Variants in SAC3D1 observed in about 807,000 individuals in gnomAD.
SAC3D1 encodes SAC3 domain containing 1.
Under a neutral mutation model 12.7 loss-of-function variants are expected in SAC3D1, and 10 were observed. That is an observed-to-expected ratio of 0.79 (90% confidence interval 0.49 to 1.34). SAC3D1 has a LOEUF of 1.34. Among genes scored for constraint, SAC3D1 ranks in the 40% most tolerant of loss-of-function variants. The pLI is 0.00. For synonymous variants in SAC3D1, 241 were observed against 250.8 expected, an observed-to-expected ratio of 0.96 and a Z score of 0.37; for missense variants, 482 against 531.1, an observed-to-expected ratio of 0.91 and a Z score of 0.91.
chr11:65,041,730 G>A lies in SAC3D1; in HGVS notation c.438G>A (p.Arg146=). The change falls in exon 1 of 2, where the codon CGG becomes CGA. Residue 146 remains arginine, a synonymous_variant. Transcript: ENST00000652489. The part of the protein sequence containing the change: ...VVARLGPDAA[R]GPADPVLLQA... Reference sequence around the variant, plus strand: ...CGCGGCTCGGGCCCGACGCGGCGCGGGGACCCGCGGACCCGGTGCTGCTGC... The same window carrying A: ...CGCGGCTCGGGCCCGACGCGGCGCGAGGACCCGCGGACCCGGTGCTGCTGC... The A allele has an allele frequency of 7.7e-6, 10 of 1,307,136 alleles. No homozygotes were observed. Among genetic ancestry groups the A allele is most frequent in the Non-Finnish European group, 9.7e-6 (10 of 1,035,360 alleles). The allele number at this position is 1,307,136 out of a possible 1,614,324, so 81.0% of individuals were successfully genotyped here.
Position 65,044,622 on chromosome 11 carries a change from G to A in SAC3D1, c.972G>A (p.Thr324=), listed in dbSNP as rs182840449. The A allele has an allele frequency of 9.7e-5, 157 of 1,613,996 alleles. No homozygotes were observed. In the East Asian group the frequency reaches 1.8e-3, roughly 18 times the overall value. Residue 324 remains threonine (T), a synonymous_variant, in exon 2 of 2, where the codon ACG becomes ACA. Transcript: ENST00000652489. The surrounding 1 kb of genome is among the most constrained non-coding windows in gnomAD (Gnocchi z 4.0). ...AGGAAGGGCTACCGCCTGCCAGTAC[G>A]TGCAAGGTGTTAGTGGAGAGCAAAC... ...YVEEGLPPAS[T]CKVLVESKLR...
intron 1 of SAC3D1, among the ~76,000 whole-genome samples, chr11:65,042,256 C>G (rs975576495): frequency 7.2e-5 from 11 of 152,018 alleles, no homozygotes; most frequent in African/African-American, 2.7e-4. Context: ...CGCCACCACA[C>G]CCAGCTAATT....
Position 65,041,879 on chromosome 11 carries a change from C to T in SAC3D1, c.574+13C>T. 1 of 1,425,716 alleles carries T rather than the reference C, an allele frequency of 7.0e-7. No homozygotes were observed. Among genetic ancestry groups the T allele is most frequent in the Non-Finnish European group, 9.1e-7 (1 of 1,097,472 alleles). 88.3% of individuals were successfully genotyped at this position (1,425,716 alleles called of 1,614,324 possible). ...CTCTATAACCTGGGTGAGTCGGGAT[C>T]CTGGCGGCTGGGCAGAGCGTGGGGA... On this transcript the variant is annotated intron_variant, in intron 1 of 1. Coordinates refer to ENST00000652489, the MANE Select transcript of SAC3D1 (RefSeq NM_013299.4).
intron 1 of SAC3D1, among the ~76,000 whole-genome samples, chr11:65,043,836 C>T (rs950178255): frequency 6.6e-6 from 1 of 151,970 alleles, no homozygotes; most frequent in African/African-American, 2.4e-5. Context: ...AGTTGGCTTC[C>T]AAAACTGTGG....
upstream of SAC3D1, chr11:65,041,167 G>T (rs1473857962): frequency 1.1e-6 from 1 of 930,140 alleles, no homozygotes; most frequent in Admixed American, 3.1e-5. Flanking sequence ...GCGGGAAGGC[G>T]GGCCCAGACA....
chr11:65,044,243 A>G lies in SAC3D1; in HGVS notation c.593A>G (p.His198Arg). The G allele has an allele frequency of 6.2e-7, 1 of 1,612,584 alleles. No homozygotes were observed. The highest frequency in any genetic ancestry group is 8.5e-7 in the Non-Finnish European group (1 of 1,179,808). ...LYNLGSVEALHEVLQLPAALR... is the reference protein window; with the variant it reads ...LYNLGSVEALREVLQLPAALR... ...CTCACAGGCTCGGTGGAAGCCCTGC[A>G]TGAGGTTCTACAGCTGCCTGCTGCC... The change falls in exon 2 of 2, where the codon CAT (histidine) becomes CGT (arginine). Residue 198 changes from histidine to arginine, a missense_variant. Around this residue, in one of 3 missense-constraint regions of SAC3D1, gnomAD observed 225 missense variants for 241.1 expected, o/e 0.93. Coordinates refer to ENST00000652489, the MANE Select transcript of SAC3D1 (RefSeq NM_013299.4). The surrounding 1 kb of genome is among the most constrained non-coding windows in gnomAD (Gnocchi z 4.0).
rs887166258 is a variant in SAC3D1 at position 65,044,451 on chromosome 11, C to T, written c.801C>T (p.Thr267=). Residue 267 remains threonine (T), a synonymous_variant, in exon 2 of 2, where the codon ACC becomes ACT. Transcript: ENST00000652489. This position sits in a 1 kb window ranked among gnomAD's most constrained non-coding sequence, Gnocchi z 4.0. ...ALARFARAFS[T]PKGQTLPLGF... ...CCCGCTTCGCTCGTGCCTTTAGCAC[C>T]CCCAAGGGCCAGACCTTGCCTCTGG... The T allele has an allele frequency of 1.9e-6, 3 of 1,613,844 alleles. No individual in the cohort carries two copies. The highest frequency in any genetic ancestry group is 2.7e-5 in the African/African-American group (2 of 74,958).
rs758210249 is a variant in SAC3D1 at position 65,044,736 on chromosome 11, C to T, written c.*9C>T. 32 of 1,608,224 alleles carry T rather than the reference C, an allele frequency of 2.0e-5. No homozygotes were observed. The highest frequency in any genetic ancestry group is 3.3e-5 in the Admixed American group (2 of 59,922). ...CTGGGTCCCCAGCCTGAGGAGGGAG[C>T]GTGAGCCTCCCAGAGCCCCAGGACT... On this transcript the variant is annotated 3_prime_UTR_variant, in exon 2 of 2. Coordinates refer to ENST00000652489, the MANE Select transcript of SAC3D1 (RefSeq NM_013299.4). This position sits in a 1 kb window ranked among gnomAD's most constrained non-coding sequence, Gnocchi z 4.0.
intron 1 of SAC3D1, among the ~76,000 whole-genome samples, chr11:65,042,200 C>G (rs866875672): frequency 6.6e-6 from 1 of 151,582 alleles, no homozygotes; most frequent in African/African-American, 2.4e-5. Context: ...CTGGGTCAAG[C>G]GATTCTTCTG....
In SAC3D1 at chr11:65,041,387, T is replaced by G. The variant is rs1210117878; in HGVS notation, c.95T>G (p.Leu32Trp). The G allele has an allele frequency of 9.9e-6, 15 of 1,508,336 alleles. No homozygotes were observed. The highest frequency in any genetic ancestry group is 1.4e-5 in the African/African-American group (1 of 69,308). The allele number at this position is 1,508,336 out of a possible 1,614,324, so 93.4% of individuals were successfully genotyped here. ...GAAAGGGAGCACCGCCTGCACCGCT[T>G]GGAGGTGGTGCCGGGTTGCCGCCAG... ...QREREHRLHRLEVVPGCRQDP... is the reference protein window; with the variant it reads ...QREREHRLHRWEVVPGCRQDP... Residue 32 changes from leucine to tryptophan, a missense_variant, in exon 1 of 2, where the codon TTG becomes TGG. Transcript: ENST00000652489.
In SAC3D1 at chr11:65,041,250, TC is replaced by T. The variant is rs1169432204; in HGVS notation, c.-39del. 2.0e-6 allele frequency: 3 copies of T among 1,477,568 alleles called. No individual in the cohort carries two copies. The highest frequency in any genetic ancestry group is 1.3e-5 in the South Asian group (1 of 78,592). The allele number at this position is 1,477,568 out of a possible 1,614,324, so 91.5% of individuals were successfully genotyped here. ...CGCGTGCCTTCCCGCAGCACTGCCG[TC>T]CCCGGGATGCTGAGCGCCCACCGTC... On this transcript the variant is annotated 5_prime_UTR_variant, in exon 1 of 2. Transcript: ENST00000652489.
intron 1 of SAC3D1, 110 bp downstream of exon 1, chr11:65,041,976 C>T (rs182121837): frequency 1.6e-6 from 2 of 1,241,296 alleles, no homozygotes; most frequent in Admixed American, 4.3e-5. Context: ...TAGCCCCCTC[C>T]CAGGACAGCA....
In SAC3D1 at chr11:65,041,320, A is replaced by G. The variant is rs1018544813; in HGVS notation, c.28A>G (p.Thr10Ala). MPGCELPVG[T>A]CPDMCPAAER... ...GCCCGGCTGCGAGCTGCCCGTGGGCACCTGCCCGGACATGTGCCCGGCCGC... is the reference window on the plus strand; with the variant it reads ...GCCCGGCTGCGAGCTGCCCGTGGGCGCCTGCCCGGACATGTGCCCGGCCGC... Residue 10 changes from threonine (T) to alanine (A), a missense_variant, in exon 1 of 2, where the codon ACC (threonine) becomes GCC (alanine). Transcript: ENST00000652489. 4 of 1,508,676 alleles carry G rather than the reference A, an allele frequency of 2.7e-6. No individual in the cohort carries two copies. The highest frequency in any genetic ancestry group is 2.9e-5 in the African/African-American group (2 of 69,246). 93.5% of individuals were successfully genotyped at this position (1,508,676 alleles called of 1,614,324 possible). A position where few individuals can be genotyped will look rare whatever the true frequency, so the allele number is the denominator to read the frequency against.
At position 65,041,570 on chromosome 11, in the gene SAC3D1, C is replaced by T. The variant is rs1946600134; in HGVS notation, c.278C>T (p.Ala93Val). 6.8e-7 allele frequency: 1 copy of T among 1,479,396 alleles called. No individual in the cohort carries two copies. The highest frequency in any genetic ancestry group is 1.3e-5 in the South Asian group (1 of 78,380). 91.6% of individuals were successfully genotyped at this position (1,479,396 alleles called of 1,614,324 possible). A position where few individuals can be genotyped will look rare whatever the true frequency, so the allele number is the denominator to read the frequency against. ...AGEVAESADI[A>V]RAEVASFVAD... is the part of the protein sequence containing the mutation. ...GAGGTGGCGGAGAGCGCCGACATCG[C>T]CCGCGCCGAGGTGGCCAGCTTCGTG... Residue 93 changes from alanine to valine, a missense_variant, in exon 1 of 2, where the codon GCC becomes GTC. Around this residue, in one of 3 missense-constraint regions of SAC3D1, gnomAD observed 197 missense variants for 183.2 expected, o/e 1.08. Coordinates refer to ENST00000652489, the MANE Select transcript of SAC3D1 (RefSeq NM_013299.4).
chr11:65,041,019 C>T (rs550808038), upstream of SAC3D1: 181 of 520,672 alleles, frequency 3.5e-4, no homozygotes, highest in South Asian at 3.8e-3. Flanking sequence ...CGATGGGGGC[C>T]GTTAGCCGCC....
Position 65,044,604 on chromosome 11 carries a change from G to C in SAC3D1, c.954G>C (p.Gly318=). Reference sequence around the variant, plus strand: ...TGAGGGGTCGCTACGTGGAGGAAGGGCTACCGCCTGCCAGTACGTGCAAGG... The same window carrying C: ...TGAGGGGTCGCTACGTGGAGGAAGGCCTACCGCCTGCCAGTACGTGCAAGG... ...VFLRGRYVEE[G]LPPASTCKVL... Residue 318 remains glycine, a synonymous_variant, in exon 2 of 2, where the codon GGG becomes GGC. Transcript: ENST00000652489. This position sits in a 1 kb window ranked among gnomAD's most constrained non-coding sequence, Gnocchi z 4.0. The C allele has an allele frequency of 6.2e-7, 1 of 1,614,024 alleles. No homozygotes were observed. Among genetic ancestry groups the C allele is most frequent in the Non-Finnish European group, 8.5e-7 (1 of 1,180,030 alleles).
chr11:65,042,950 C>A (rs1233584488), intron 1 of SAC3D1: 3 of 350,844 alleles, frequency 8.6e-6, no homozygotes, highest in South Asian at 6.1e-5. Flanking sequence ...ATCCTTCTGC[C>A]TCAGCCTTCC....
chr11:65,041,179 G>C (rs1336365016), upstream of SAC3D1: 3 of 1,063,176 alleles, frequency 2.8e-6, no homozygotes, highest in South Asian at 1.6e-5. Flanking sequence ...GCCCAGACAG[G>C]TTCAGCCCCG....
At position 65,041,269 on chromosome 11, in the gene SAC3D1, C is replaced by T. The variant is rs1010684798; in HGVS notation, c.-24C>T. On this transcript the variant is annotated 5_prime_UTR_variant, in exon 1 of 2. Transcript: ENST00000652489. Reference sequence around the variant, plus strand: ...CTGCCGTCCCCGGGATGCTGAGCGCCCACCGTCTCCCCGCAGCCCCCTCAT... The same window carrying T: ...CTGCCGTCCCCGGGATGCTGAGCGCTCACCGTCTCCCCGCAGCCCCCTCAT... 6.7e-7 allele frequency: 1 copy of T among 1,490,494 alleles called. No individual in the cohort carries two copies. The highest frequency in any genetic ancestry group is 8.9e-7 in the Non-Finnish European group (1 of 1,127,950). 92.3% of individuals were successfully genotyped at this position (1,490,494 alleles called of 1,614,324 possible).
Sources: gnomAD v4.1 joint callset for allele counts (sites outside exome capture counted in the v4.1 genomes callset) on GRCh38, gnomAD v4.1.1 for gene constraint, gnomAD v4.1.1 regional missense constraint, Gnocchi (gnomAD v3.1) non-coding constraint, MANE v1.5 for transcripts, NCBI Gene and HGNC (gene_info 2026-07-23, HGNC 2026-07-21) for gene names.